Variants in GRID2 observed in about 807,000 individuals in gnomAD.
GRID2 encodes glutamate ionotropic receptor delta type subunit 2.
Under a neutral mutation model 114.8 loss-of-function variants are expected in GRID2, and 33 were observed. The ratio of observed to expected loss-of-function variants is 0.29; its 90% CI spans 0.22 to 0.38. The LOEUF (loss-of-function observed/expected upper bound fraction) is 0.38, where lower values mean the gene tolerates loss of function less well. Ranked by LOEUF, GRID2 falls within the 10% of genes least tolerant of loss-of-function variation. GRID2 has a pLI of 1.00. For synonymous variants in GRID2, 505 were observed against 449.9 expected, an observed-to-expected ratio of 1.12 and a Z score of -1.55; for missense variants, 1,184 against 1,257.7, an observed-to-expected ratio of 0.94 and a Z score of 0.89.
At position 92,934,911 on chromosome 4, in the gene GRID2, G is replaced by A. The variant is rs1440204378; in HGVS notation, c.245-150084G>A. Among the ~76,000 whole-genome samples the A allele has an allele frequency of 4.4e-4, 65 of 146,708 alleles. 6 individuals carry two copies. Among genetic ancestry groups the A allele is most frequent in the Non-Finnish European group, 8.3e-4 (55 of 66,242 alleles). ...TTCAAGATGGATTAAAGACTTAAAC[G>A]TTCGACCTAAAACCATAAAAACCCT... On this transcript the variant is annotated intron_variant, in intron 2 of 15. Transcript: ENST00000282020.
chr4:93,058,530 T>C (rs544065035), intron 2 of GRID2, among the ~76,000 whole-genome samples: 3 of 152,096 alleles, frequency 2.0e-5, no homozygotes, highest in East Asian at 1.9e-4. Context: ...GGCTTTTTTT[T>C]AGTTGTCCTT....
intron 12 of GRID2, among the ~76,000 whole-genome samples, chr4:93,498,168 T>G (rs2149469810): frequency 6.6e-6 from 1 of 151,992 alleles, no homozygotes; most frequent in Admixed American, 6.6e-5. Context: ...ATTTATTTCC[T>G]CACAGTTCTG....
chr4:93,637,046 A>T (rs1032656494), intron 14 of GRID2, among the ~76,000 whole-genome samples: 1 of 152,176 alleles, frequency 6.6e-6, no homozygotes, highest in African/African-American at 2.4e-5. Flanking sequence ...AGGAATATTC[A>T]TTAGGAAATA....
At chr4:92,474,126 A>G (rs1007384833) in intron 1 of GRID2, among the ~76,000 whole-genome samples, 2 of 152,014 alleles carry the variant, frequency 1.3e-5, no homozygotes, top group Admixed American at 6.6e-5. Flanking sequence ...GGACTTATTC[A>G]TCTTATGAAT....
At chr4:92,766,193 T>C (rs1041558927) in intron 2 of GRID2, among the ~76,000 whole-genome samples, 2 of 152,162 alleles carry the variant, frequency 1.3e-5, no homozygotes, top group African/African-American at 4.8e-5. Context: ...CCAGAAGAAG[T>C]CACAAAAGAG....
chr4:92,805,261 C>T (rs1740355525), intron 2 of GRID2, among the ~76,000 whole-genome samples: 1 of 151,810 alleles, frequency 6.6e-6, no homozygotes, highest in Non-Finnish European at 1.5e-5. Flanking sequence ...CTCTGTGCTT[C>T]AACTACCTCA....
intron 14 of GRID2, among the ~76,000 whole-genome samples, chr4:93,762,905 G>A (rs1037959762): frequency 2.6e-5 from 4 of 152,078 alleles, no homozygotes; most frequent in Admixed American, 2.6e-4. Context: ...GAGGGCTACA[G>A]AATCATCAGG....
chr4:93,738,542 A>G (rs887330221), intron 14 of GRID2, among the ~76,000 whole-genome samples: 2 of 152,240 alleles, frequency 1.3e-5, no homozygotes, highest in Admixed American at 6.5e-5. Context: ...TAAATGCCTA[A>G]TAGACTTAAT....
At chr4:92,356,924 A>G (rs996630884) in intron 1 of GRID2, among the ~76,000 whole-genome samples, 4 of 151,864 alleles carry the variant, frequency 2.6e-5, no homozygotes, top group Admixed American at 2.0e-4. Flanking sequence ...GTAACAAACT[A>G]TGATCTAGCA....
intron 1 of GRID2, among the ~76,000 whole-genome samples, chr4:92,391,787 T>G (rs1730250074): frequency 6.6e-6 from 1 of 152,166 alleles, no homozygotes; most frequent in Non-Finnish European, 1.5e-5. Flanking sequence ...CTTCCTTCTC[T>G]TGAAGGATTG....
chr4:92,591,167 A>G (rs552002706), intron 2 of GRID2, among the ~76,000 whole-genome samples: 3 of 152,188 alleles, frequency 2.0e-5, no homozygotes, highest in African/African-American at 7.2e-5. Context: ...CCTCATGGAT[A>G]GGATTAGTGC....
At chr4:92,596,431 A>G (rs1463335656) in intron 2 of GRID2, among the ~76,000 whole-genome samples, 1 of 152,032 alleles carries the variant, frequency 6.6e-6, no homozygotes, top group Non-Finnish European at 1.5e-5. Flanking sequence ...ACACCTGCAC[A>G]TCAGGAGGGA....
chr4:92,480,776 C>G (rs749189679), intron 1 of GRID2, among the ~76,000 whole-genome samples: 1 of 152,060 alleles, frequency 6.6e-6, no homozygotes, highest in African/African-American at 2.4e-5. Flanking sequence ...AAGGTGTAGG[C>G]ATATCTTTTG....
At chr4:93,692,350 G>A (rs1214227715) in intron 14 of GRID2, among the ~76,000 whole-genome samples, 1 of 152,058 alleles carries the variant, frequency 6.6e-6, no homozygotes, top group Non-Finnish European at 1.5e-5. Context: ...AAGTGCAAAA[G>A]TACTGAGGTG....
chr4:92,628,652 C>A (rs1482985231), intron 2 of GRID2, among the ~76,000 whole-genome samples: 1 of 152,164 alleles, frequency 6.6e-6, no homozygotes, highest in Non-Finnish European at 1.5e-5. Context: ...GCCATAGCGC[C>A]AGGCCCCACT....
intron 11 of GRID2, among the ~76,000 whole-genome samples, chr4:93,488,424 AC>A (rs1403588513): frequency 3.3e-5 from 5 of 151,978 alleles, no homozygotes; most frequent in Non-Finnish European, 7.4e-5. Context: ...GGGTGTACTT[AC>A]CCCACGTATA....
chr4:92,941,752 G>A (rs1751154201), intron 2 of GRID2, among the ~76,000 whole-genome samples: 1 of 152,134 alleles, frequency 6.6e-6, no homozygotes, highest in African/African-American at 2.4e-5. Flanking sequence ...GTGTCCCAGA[G>A]ATTCTCGTAT....
At chr4:92,943,168 C>A (rs1443525036) in intron 2 of GRID2, among the ~76,000 whole-genome samples, 3 of 152,140 alleles carry the variant, frequency 2.0e-5, no homozygotes, top group Non-Finnish European at 4.4e-5. Context: ...AGGGTGTTTT[C>A]CAGCTGGGTT....
chr4:92,626,999 TATA>T (rs1366476829), intron 2 of GRID2, among the ~76,000 whole-genome samples: 1 of 151,720 alleles, frequency 6.6e-6, no homozygotes, highest in Non-Finnish European at 1.5e-5. Context: ...AAATAGGAAA[TATA>T]ATAACTAAGG....
Sources: allele counts gnomAD v4.1 joint callset (sites outside exome capture counted in the v4.1 genomes callset), GRCh38; gene constraint gnomAD v4.1.1; transcripts MANE v1.5; gene names NCBI Gene and HGNC (gene_info 2026-07-23, HGNC 2026-07-21).